Variants in TNRC18 observed in about 807,000 individuals in gnomAD.
TNRC18 encodes trinucleotide repeat containing 18.
TNRC18 carries 69 observed loss-of-function variants against 226.7 expected under a neutral mutation model. The observed-to-expected ratio is 0.30, with a 90% CI of 0.25 to 0.37. The LOEUF (loss-of-function observed/expected upper bound fraction) is 0.37. Among genes scored for constraint, TNRC18 ranks in the 10% least tolerant of loss-of-function variants. TNRC18 has a pLI of 1.00. For synonymous variants in TNRC18, 2,449 were observed against 1,927.6 expected (o/e 1.27, Z -7.09); for missense variants, 4,754 against 4,256.6 (o/e 1.12, Z -3.25).
chr7:5,395,521 C>T (rs1170713431), intron 2 of TNRC18, among the ~76,000 whole-genome samples: 1 of 152,256 alleles, frequency 6.6e-6, no homozygotes, highest in Non-Finnish European at 1.5e-5. Flanking sequence ...CCCCAAACGC[C>T]ATCCCCTCTA....
chr7:5,376,783 CAG>C, intron 8 of TNRC18, 62 bp downstream of exon 8: 1 of 1,567,092 alleles, frequency 6.4e-7, no homozygotes, highest in South Asian at 1.2e-5. Flanking sequence ...CCCTTGGCAT[CAG>C]AGACCATCTC....
At position 5,357,757 on chromosome 7, in the gene TNRC18, G is replaced by C. The variant is rs543047240; in HGVS notation, c.4834-481C>G. Among the ~76,000 whole-genome samples, 179 of 152,276 alleles carry C rather than the reference G, an allele frequency of 1.2e-3. 2 individuals carry two copies. The highest frequency in any genetic ancestry group is 3.9e-3 in the African/African-American group (164 of 41,548). On this transcript the variant is annotated intron_variant, in intron 15 of 29. Coordinates refer to ENST00000430969, the MANE Select transcript of TNRC18 (RefSeq NM_001080495.3). ...TCCCACCTCAGCCTCCCAAACTGTT[G>C]GGATTCCAGGCTGACCACGACTGGC...
chr7:5,313,003 A>C lies in TNRC18; in HGVS notation c.7888T>G (p.Ser2630Ala). Reference sequence around the variant, plus strand: ...GAAGAGGAGGAGGAGGAAGAGGAGGATGAGGAGGAGGAGGAGGAGGAGGAG... The same window carrying C: ...GAAGAGGAGGAGGAGGAAGAGGAGGCTGAGGAGGAGGAGGAGGAGGAGGAG... Reference protein sequence around the residue: ...SSSSSSSSSSSSSSSSSSSSS... With the variant: ...SSSSSSSSSSASSSSSSSSSS... The change falls in exon 27 of 30, where the codon TCC becomes GCC. Residue 2630 changes from serine (S) to alanine (A), a missense_variant. Transcript: ENST00000430969. 1 of 897,852 alleles carries C rather than the reference A, an allele frequency of 1.1e-6. No homozygotes were observed. Among genetic ancestry groups the C allele is most frequent in the Non-Finnish European group, 1.7e-6 (1 of 590,758 alleles). The allele number at this position is 897,852 out of a possible 1,614,324, so 55.6% of individuals were successfully genotyped here.
intron 5 of TNRC18, among the ~76,000 whole-genome samples, chr7:5,387,161 A>G (rs898248228): frequency 1.3e-5 from 2 of 152,212 alleles, no homozygotes; most frequent in African/African-American, 4.8e-5. Flanking sequence ...TAAACTCTCT[A>G]CCTACCTAAA....
intron 18 of TNRC18, among the ~76,000 whole-genome samples, chr7:5,334,737 T>G (rs1233748840): frequency 2.0e-5 from 3 of 152,142 alleles, no homozygotes; most frequent in East Asian, 1.9e-4. Flanking sequence ...CCCCCAGAGA[T>G]CCACTGGAAC....
At chr7:5,321,677 TTA>T (rs1326919165) in intron 21 of TNRC18, among the ~76,000 whole-genome samples, 1 of 149,810 alleles carries the variant, frequency 6.7e-6, no homozygotes, top group African/African-American at 2.4e-5. Context: ...ATTTATTTAT[TTA>T]TTTATTTTTG....
At chr7:5,348,421 G>A (rs888189059) in intron 17 of TNRC18, among the ~76,000 whole-genome samples, 27 of 152,254 alleles carry the variant, frequency 1.8e-4, no homozygotes, top group Admixed American at 2.0e-4. Context: ...GTCTAGGCTC[G>A]GATAGACAGA....
intron 19 of TNRC18, among the ~76,000 whole-genome samples, chr7:5,332,021 G>C (rs977909581): frequency 1.2e-4 from 18 of 152,158 alleles, no homozygotes; most frequent in African/African-American, 4.1e-4. Flanking sequence ...TATCACAGAA[G>C]GGTCTTTTCA....
chr7:5,364,637 C>T (rs1228186728), intron 11 of TNRC18, among the ~76,000 whole-genome samples: 1 of 151,782 alleles, frequency 6.6e-6, no homozygotes, highest in Non-Finnish European at 1.5e-5. Flanking sequence ...AACCCCCTCT[C>T]TACTAAAAAT....
chr7:5,418,981 G>A (rs1166897376), intron 2 of TNRC18, among the ~76,000 whole-genome samples: 1 of 152,206 alleles, frequency 6.6e-6, no homozygotes, highest in Non-Finnish European at 1.5e-5. Context: ...TTCCCTCCCG[G>A]GTGAGCACGG....
Position 5,389,361 on chromosome 7 carries a change from G to A in TNRC18, c.488-25C>T, listed in dbSNP as rs201924470. 2.5e-4 allele frequency: 314 copies of A among 1,247,610 alleles called. 5 individuals are homozygous for A. In the African/African-American group the frequency reaches 4.2e-3, roughly 17 times the overall value. 77.3% of individuals were successfully genotyped at this position (1,247,610 alleles called of 1,614,324 possible). On this transcript the variant is annotated intron_variant, in intron 4 of 29. Transcript: ENST00000430969. ...TCTGCGGAGAAGGGAACAGCAGGCA[G>A]TGAGCGAGCGCCACCTCCCCTCCCA...
rs747250112 is a variant in TNRC18, at chr7:5,394,396, G to A, written c.343+44C>T. On this transcript the variant is annotated intron_variant, in intron 3 of 29. Coordinates refer to ENST00000430969, the MANE Select transcript of TNRC18 (RefSeq NM_001080495.3). This position sits in a 1 kb window ranked among gnomAD's most constrained non-coding sequence, Gnocchi z 4.5. The stretch of plus-strand genomic sequence containing the variant: ...ATGAAGTGGCCAGAGTGGCTGGGAC[G>A]TCAGCCCAGCAGCCCTCAGCCCCGA... 30 of 1,468,698 alleles carry A rather than the reference G, an allele frequency of 2.0e-5. No homozygotes were observed. The highest frequency in any genetic ancestry group is 1.3e-4 in the Admixed American group (5 of 37,104). The allele number at this position is 1,468,698 out of a possible 1,614,324, so 91.0% of individuals were successfully genotyped here.
Position 5,309,512 on chromosome 7 carries a change from G to T in TNRC18, c.8389-144C>A. On this transcript the variant is annotated intron_variant, in intron 27 of 29. Transcript: ENST00000430969. This position sits in a 1 kb window ranked among gnomAD's most constrained non-coding sequence, Gnocchi z 5.7. ...CTGTGGGGAGATGAGGAAGCTCCTT[G>T]TCTCGCTTCAAGTGGGGAAGCCCCT... The T allele has an allele frequency of 1.4e-6, 1 of 694,564 alleles. No homozygotes were observed. The highest frequency in any genetic ancestry group is 2.4e-6 in the Non-Finnish European group (1 of 418,926). 43.0% of individuals were successfully genotyped at this position (694,564 alleles called of 1,614,324 possible). A position where few individuals can be genotyped will look rare whatever the true frequency, so the allele number is the denominator to read the frequency against.
Position 5,312,912 on chromosome 7 carries a change from G to A in TNRC18, c.7979C>T (p.Ser2660Phe). 2.0e-6 allele frequency: 3 copies of A among 1,508,390 alleles called. No homozygotes were observed. Among genetic ancestry groups the A allele is most frequent in the Non-Finnish European group, 2.7e-6 (3 of 1,123,716 alleles). The allele number at this position is 1,508,390 out of a possible 1,614,324, so 93.4% of individuals were successfully genotyped here. ...SSSSSSSSSS[S>F]SSSSSSSSSS... ...AGAGGAGGAAGAGGAGGAGGAGGAG[G>A]AGGATGAGGACGAGGAAGAGGAGGA... The change falls in exon 27 of 30, where the codon TCC becomes TTC. Residue 2660 changes from serine to phenylalanine, a missense_variant. Ser to Phe is a radical substitution (Grantham distance 155, BLOSUM62 -2). Transcript: ENST00000430969. The surrounding 1 kb of genome is among the most constrained non-coding windows in gnomAD (Gnocchi z 6.3).
chr7:5,357,298 TGG>T, intron 15 of TNRC18, 22 bp from the exon 16 acceptor site: 1 of 1,596,438 alleles, frequency 6.3e-7, no homozygotes, highest in South Asian at 1.1e-5. Flanking sequence ...AGGTGGGTCA[TGG>T]GTTAAAAGAT....
rs541197225 is a variant in TNRC18, at chr7:5,385,522, A to C, written c.2152+2150T>G. Among the ~76,000 whole-genome samples the C allele has an allele frequency of 3.8e-3, 546 of 144,278 alleles. 3 individuals carry two copies. Among genetic ancestry groups the C allele is most frequent in the African/African-American group, 0.014 (525 of 37,826 alleles). The allele number at this position is 144,278 out of a possible 152,430, so 94.7% of individuals were successfully genotyped here. ...AAAAAAAAAAAAAAAAAAAAAGAAAAAAAAATACAAAATTAGCCGGGCATG... is the reference window on the plus strand; with the variant it reads ...AAAAAAAAAAAAAAAAAAAAAGAAACAAAAATACAAAATTAGCCGGGCATG... On this transcript the variant is annotated intron_variant, in intron 5 of 29. Transcript: ENST00000430969.
chr7:5,372,361 G>A (rs1450360526), intron 10 of TNRC18, among the ~76,000 whole-genome samples: 2 of 151,836 alleles, frequency 1.3e-5, no homozygotes, highest in African/African-American at 4.8e-5. Context: ...ATAGGCGTGA[G>A]CCACTGTGCC....
At chr7:5,414,747 C>T (rs966362330) in intron 2 of TNRC18, among the ~76,000 whole-genome samples, 5 of 152,204 alleles carry the variant, frequency 3.3e-5, no homozygotes, top group African/African-American at 4.8e-5. Flanking sequence ...AGAACAAGGA[C>T]ATTCTCTTAC....
intron 2 of TNRC18, among the ~76,000 whole-genome samples, chr7:5,406,147 G>A (rs1781449341): frequency 6.6e-6 from 1 of 152,182 alleles, no homozygotes; most frequent in Non-Finnish European, 1.5e-5. Flanking sequence ...ACATGAAGCT[G>A]AGTGAAATAA....
Sources: gnomAD v4.1 joint callset for allele counts (sites outside exome capture counted in the v4.1 genomes callset) on GRCh38, gnomAD v4.1.1 for gene constraint, Gnocchi (gnomAD v3.1) non-coding constraint, MANE v1.5 for transcripts, NCBI Gene and HGNC (gene_info 2026-07-23, HGNC 2026-07-21) for gene names.